The following ATG10 variants were observed in gnomAD, a reference collection of about 807,000 sequenced individuals.
ATG10 encodes the protein ubiquitin-like-conjugating enzyme ATG10.
A neutral mutation model predicts 32.1 loss-of-function variants in ATG10; 30 were observed. That is an observed-to-expected ratio of 0.94 (90% CI 0.70 to 1.27). ATG10 has a LOEUF of 1.27. ATG10 is among the 50% of genes most tolerant of loss of function. The pLI is 0.00. For synonymous variants in ATG10, 87 were observed against 91.5 expected, an observed-to-expected ratio of 0.95 and a Z score of 0.28; for missense variants, 233 against 262.3, an observed-to-expected ratio of 0.89 and a Z score of 0.77.
intron 1 of ATG10, among the ~76,000 whole-genome samples, chr5:81,983,017 A>G (rs529408704): frequency 6.6e-6 from 1 of 152,152 alleles, no homozygotes; most frequent in Non-Finnish European, 1.5e-5. Flanking sequence ...CCCCCTTTCT[A>G]TTCCACAAAA....
At chr5:81,997,650 A>G (rs1437827037) in intron 2 of ATG10, among the ~76,000 whole-genome samples, 2 of 152,218 alleles carry the variant, frequency 1.3e-5, no homozygotes, top group Non-Finnish European at 2.9e-5. Flanking sequence ...ATAAAATAAT[A>G]CAGGAGGTGA....
intron 3 of ATG10, among the ~76,000 whole-genome samples, chr5:82,082,774 A>G (rs1190158356): frequency 6.6e-6 from 1 of 152,194 alleles, no homozygotes; most frequent in African/African-American, 2.4e-5. Context: ...ATAGAGATAT[A>G]TTTATAATTT....
chr5:82,159,985 T>G (rs768845606), intron 3 of ATG10, among the ~76,000 whole-genome samples: 1 of 152,144 alleles, frequency 6.6e-6, no homozygotes, highest in Non-Finnish European at 1.5e-5. Context: ...AGAACCAGGA[T>G]GTTGACATTG....
intron 3 of ATG10, among the ~76,000 whole-genome samples, chr5:82,089,209 G>C (rs1029248947): frequency 1.3e-5 from 2 of 152,048 alleles, no homozygotes; most frequent in Admixed American, 6.6e-5. Flanking sequence ...GGGCATGGTG[G>C]TGCATGCCTG....
chr5:82,144,257 A>G (rs1331428897), intron 3 of ATG10, among the ~76,000 whole-genome samples: 1 of 151,050 alleles, frequency 6.6e-6, no homozygotes, highest in African/African-American at 2.4e-5. Context: ...AGTTCAATTA[A>G]TCTTTTCAAA....
At chr5:82,224,600 TGGCA>T (rs952364057) in intron 5 of ATG10, among the ~76,000 whole-genome samples, 1 of 152,176 alleles carries the variant, frequency 6.6e-6, no homozygotes, top group Non-Finnish European at 1.5e-5. Flanking sequence ...TGGGAGGTTC[TGGCA>T]GGCTGGAGGG....
rs79455318 is a variant in ATG10, at chr5:82,218,088, T to C, written c.454-34474T>C. ...ACACACACACACACACACACACACA[T>C]CACACGTACAGGAATTATTTTAACC... is the stretch of plus-strand genomic sequence containing the variant. On this transcript the variant is annotated intron_variant, in intron 5 of 7. Coordinates refer to ENST00000282185, the MANE Select transcript of ATG10 (RefSeq NM_031482.5). Among the ~76,000 whole-genome samples the C allele has an allele frequency of 0.013, 879 of 68,388 alleles. 26 individuals are homozygous for C. In the East Asian group the frequency reaches 0.2, roughly 16 times the overall value. The allele number at this position is 68,388 out of a possible 152,430, so 44.9% of individuals were successfully genotyped here. A position where few individuals can be genotyped will look rare whatever the true frequency, so the allele number is the denominator to read the frequency against.
chr5:82,217,427 A>G (rs1382239908), intron 5 of ATG10, among the ~76,000 whole-genome samples: 1 of 152,140 alleles, frequency 6.6e-6, no homozygotes, highest in African/African-American at 2.4e-5. Flanking sequence ...TACATTTACT[A>G]TGTGCTTATA....
intron 2 of ATG10, among the ~76,000 whole-genome samples, chr5:82,034,550 G>A (rs867713275): frequency 1.6e-4 from 25 of 152,016 alleles, no homozygotes; most frequent in Non-Finnish European, 7.4e-5. Flanking sequence ...AAAACCTTCC[G>A]GTGACTTCCT....
At chr5:82,234,998 GTTC>G (rs1746500137) in intron 5 of ATG10, among the ~76,000 whole-genome samples, 1 of 152,166 alleles carries the variant, frequency 6.6e-6, no homozygotes, top group Non-Finnish European at 1.5e-5. Context: ...ACGCCCATCA[GTTC>G]TTCTCTCTGC....
chr5:81,998,843 C>G (rs1761745061), intron 2 of ATG10, among the ~76,000 whole-genome samples: 1 of 152,070 alleles, frequency 6.6e-6, no homozygotes, highest in South Asian at 2.1e-4. Flanking sequence ...ACCTAAATAT[C>G]CAAAATATGT....
intron 3 of ATG10, among the ~76,000 whole-genome samples, chr5:82,069,042 C>T (rs1764037276): frequency 6.6e-6 from 1 of 150,934 alleles, no homozygotes; most frequent in Non-Finnish European, 1.5e-5. Flanking sequence ...TTTGAGTTTT[C>T]AAAATTATTT....
chr5:82,091,701 A>G (rs1764892093), intron 3 of ATG10, among the ~76,000 whole-genome samples: 1 of 152,046 alleles, frequency 6.6e-6, no homozygotes, highest in South Asian at 2.1e-4. Flanking sequence ...ATTTAATGAG[A>G]TCTATTTTTC....
chr5:82,211,037 T>A (rs1745473176), intron 5 of ATG10, among the ~76,000 whole-genome samples: 1 of 152,192 alleles, frequency 6.6e-6, no homozygotes, highest in Non-Finnish European at 1.5e-5. Context: ...TTAGGTTAAT[T>A]TAGAAGTTTA....
At chr5:82,167,387 A>G (rs1483544093) in intron 4 of ATG10, among the ~76,000 whole-genome samples, 1 of 152,220 alleles carries the variant, frequency 6.6e-6, no homozygotes, top group African/African-American at 2.4e-5. Context: ...AGATATATGT[A>G]TGTATATATA....
intron 3 of ATG10, among the ~76,000 whole-genome samples, chr5:82,063,260 A>C (rs1248100255): frequency 6.6e-6 from 1 of 152,176 alleles, no homozygotes; most frequent in Admixed American, 6.5e-5. Flanking sequence ...TTGAGGTTAC[A>C]GTGAGCTATG....
chr5:81,983,517 C>G (rs1283728719), intron 1 of ATG10, among the ~76,000 whole-genome samples: 3 of 148,404 alleles, frequency 2.0e-5, no homozygotes, highest in Admixed American at 1.3e-4. Flanking sequence ...GGGGCTGACC[C>G]CCCCCACCTC....
intron 4 of ATG10, among the ~76,000 whole-genome samples, chr5:82,173,173 G>C (rs761822116): frequency 1.3e-5 from 2 of 152,106 alleles, no homozygotes; most frequent in African/African-American, 4.8e-5. Flanking sequence ...AAAAATGTTA[G>C]TGAAACCGTG....
intron 1 of ATG10, among the ~76,000 whole-genome samples, chr5:81,982,879 G>T (rs1581562866): frequency 6.6e-6 from 1 of 152,282 alleles, no homozygotes; most frequent in South Asian, 2.1e-4. Flanking sequence ...CAGGGTTGGG[G>T]GTAGGGTCAC....
Sources: gnomAD v4.1 joint callset for allele counts (sites outside exome capture counted in the v4.1 genomes callset) on GRCh38, gnomAD v4.1.1 for gene constraint, MANE v1.5 for transcripts, NCBI Gene and HGNC (gene_info 2026-07-23, HGNC 2026-07-21) for gene names.